RNF121: variants seen among roughly 807,000 people sequenced by gnomAD.
RNF121 encodes E3 ubiquitin ligase RNF121.
A neutral mutation model predicts 46.5 loss-of-function variants in RNF121; 21 were observed. That is an observed-to-expected ratio of 0.45 (90% CI 0.32 to 0.65). The LOEUF is 0.65. RNF121 is among the 30% of genes least tolerant of loss of function. The pLI is 0.04. For missense variants in RNF121, 346 were observed against 416.0 expected, an observed-to-expected ratio of 0.83 and a Z score of 1.46; for synonymous variants, 139 against 144.7, an observed-to-expected ratio of 0.96 and a Z score of 0.28.
chr11:71,986,047 C>T (rs1368393286), intron 4 of RNF121, among the ~76,000 whole-genome samples: 2 of 152,182 alleles, frequency 1.3e-5, no homozygotes, highest in Non-Finnish European at 2.9e-5. Context: ...TCCTGGGGCA[C>T]ACTACTCCTC....
At chr11:71,959,674 C>T (rs1180240257) in intron 2 of RNF121, among the ~76,000 whole-genome samples, 4 of 140,966 alleles carry the variant, frequency 2.8e-5, no homozygotes, top group Admixed American at 7.4e-5. Flanking sequence ...CTCATTCTGT[C>T]GCCCAGGACG....
chr11:71,989,136 G>A (rs1954821964), intron 5 of RNF121, among the ~76,000 whole-genome samples: 1 of 152,108 alleles, frequency 6.6e-6, no homozygotes, highest in East Asian at 1.9e-4. Context: ...CTAGGCTAGA[G>A]TGCAGTGGCT....
At chr11:71,977,832 C>T (rs934794173) in intron 3 of RNF121, among the ~76,000 whole-genome samples, 3 of 152,200 alleles carry the variant, frequency 2.0e-5, no homozygotes, top group Non-Finnish European at 4.4e-5. Context: ...GTTTATATCG[C>T]ATTAGCCAAG....
At chr11:71,936,377 T>A (rs1953410251) in intron 1 of RNF121, among the ~76,000 whole-genome samples, 1 of 137,390 alleles carries the variant, frequency 7.3e-6, no homozygotes, top group Non-Finnish European at 1.6e-5. Flanking sequence ...AGCTCACCCT[T>A]GCTTTTTTTT....
chr11:71,935,550 G>C (rs953106234), intron 1 of RNF121, among the ~76,000 whole-genome samples: 2 of 152,198 alleles, frequency 1.3e-5, no homozygotes, highest in Non-Finnish European at 2.9e-5. Flanking sequence ...CCACCAGACT[G>C]TGTTCTCCTC....
Position 71,987,964 on chromosome 11 carries a change from G to A in RNF121, c.506+853G>A, listed in dbSNP as rs118010960. Among the ~76,000 whole-genome samples the A allele has an allele frequency of 1.5e-3, 223 of 152,296 alleles. 1 individual carries two copies. The East Asian group carries it at 0.037, about 25-fold the overall frequency. ...AAGAATGTCGCAGTCCAGATGTGTT[G>A]TACTAATCACAGGTCATAAGCAGTG... On this transcript the variant is annotated intron_variant, in intron 5 of 8. Transcript: ENST00000361756.
At chr11:71,953,323 G>A (rs897674512) in intron 1 of RNF121, among the ~76,000 whole-genome samples, 17 of 152,178 alleles carry the variant, frequency 1.1e-4, no homozygotes, top group African/African-American at 3.6e-4. Flanking sequence ...ATGAGCCACC[G>A]TGCCCAACCT....
chr11:71,993,130 G>T (rs886890168), intron 6 of RNF121, among the ~76,000 whole-genome samples: 1 of 152,200 alleles, frequency 6.6e-6, no homozygotes, highest in Admixed American at 6.5e-5. Flanking sequence ...GTTCCTTTTT[G>T]AACAACTGTC....
chr11:71,961,969 T>TTA (rs1954143689), intron 3 of RNF121, among the ~76,000 whole-genome samples: 2 of 150,184 alleles, frequency 1.3e-5, no homozygotes, highest in African/African-American at 4.9e-5. Context: ...TGCAAAGATT[T>TTA]TTTTTTTTTT....
At chr11:71,978,016 T>C in intron 3 of RNF121, 1 of 290,820 alleles carries the variant, frequency 3.4e-6, no homozygotes, top group South Asian at 2.6e-5. Context: ...TAAACATATT[T>C]ACCAAGCAAA....
At chr11:71,974,069 G>A (rs143842636) in intron 3 of RNF121, among the ~76,000 whole-genome samples, 3,334 of 152,056 alleles carry the variant, frequency 0.022, 121 homozygotes, top group African/African-American at 0.073. Context: ...AGCCTCCTGA[G>A]TAGCTGGGAC....
At chr11:71,977,876 G>C (rs1022596915) in intron 3 of RNF121, among the ~76,000 whole-genome samples, 1 of 152,136 alleles carries the variant, frequency 6.6e-6, no homozygotes, top group Non-Finnish European at 1.5e-5. Flanking sequence ...GCTTTCCACA[G>C]CATCAGGCAC....
intron 3 of RNF121, among the ~76,000 whole-genome samples, chr11:71,971,427 C>T (rs960536047): frequency 4.6e-5 from 7 of 151,924 alleles, no homozygotes; most frequent in African/African-American, 1.7e-4. Flanking sequence ...AAAATATAAG[C>T]AAGTAAGAAA....
intron 1 of RNF121, among the ~76,000 whole-genome samples, chr11:71,943,378 G>C (rs529081994): frequency 2.0e-5 from 3 of 152,346 alleles, no homozygotes; most frequent in Non-Finnish European, 2.9e-5. Flanking sequence ...AGGTTTGGAC[G>C]TTGTTCTGGG....
rs1215020204 is a variant in RNF121, at chr11:71,994,781, G to C, written c.690G>C (p.Gly230=). 5 of 1,614,028 alleles carry C rather than the reference G, an allele frequency of 3.1e-6. 1 individual carries two copies. The Admixed American group carries it at 8.3e-5, about 27-fold the overall frequency. The change falls in exon 7 of 9, where the codon GGG becomes GGC. Residue 230 remains glycine (G), a synonymous_variant. Transcript: ENST00000361756. ...HLSDSVCAVC[G]QQIFVDVSEE... ...CAGACAGTGTGTGTGCTGTGTGTGG[G>C]CAGCAGATCTTTGTGGACGTCAGTG...
intron 4 of RNF121, chr11:71,983,536 T>G (rs555606564): frequency 1.7e-4 from 26 of 152,380 alleles, no homozygotes; most frequent in Non-Finnish European, 3.5e-4. Context: ...ATTCTTTTTA[T>G]TTTATTCAAA....
At position 71,995,529 on chromosome 11, in the gene RNF121, C is replaced by A; in HGVS notation, c.841C>A (p.Leu281Ile). Residue 281 changes from leucine to isoleucine, a missense_variant, in exon 8 of 9, where the codon CTC (leucine) becomes ATC (isoleucine). Physicochemically the swap from Leu to Ile is conservative, Grantham distance 5. This residue lies in a region of RNF121 where 286 missense variants were observed against 383.8 expected (regional missense o/e 0.75). Coordinates refer to ENST00000361756, the MANE Select transcript of RNF121 (RefSeq NM_018320.5). ...TCCCTACTGCAAAGAGAAGGTAGAC[C>A]TCAAGAGGATGTTCAGCAATCCGTA... ...TCPYCKEKVD[L>I]KRMFSNPWER... 6.3e-7 allele frequency: 1 copy of A among 1,591,988 alleles called. No homozygotes were observed. Among genetic ancestry groups the A allele is most frequent in the Non-Finnish European group, 8.6e-7 (1 of 1,167,248 alleles).
At chr11:71,994,983 C>A in intron 7 of RNF121, 131 bp downstream of exon 7, 2 of 1,208,176 alleles carry the variant, frequency 1.7e-6, no homozygotes, top group Non-Finnish European at 1.2e-6. Flanking sequence ...CACAAGAGGG[C>A]CACCTTCCCT....
intron 1 of RNF121, among the ~76,000 whole-genome samples, chr11:71,934,914 T>G (rs1953368403): frequency 6.6e-6 from 1 of 150,948 alleles, no homozygotes; most frequent in African/African-American, 2.4e-5. Context: ...CTGTGCCTAG[T>G]CCTGTGCCAA....
Sources: allele counts gnomAD v4.1 joint callset (sites outside exome capture counted in the v4.1 genomes callset), GRCh38; gene constraint gnomAD v4.1.1; regional missense constraint gnomAD v4.1.1; transcripts MANE v1.5; gene names NCBI Gene and HGNC (gene_info 2026-07-23, HGNC 2026-07-21).